The following TNIP2 variants were observed in gnomAD, a reference collection of about 807,000 sequenced individuals.
The protein encoded by TNIP2 is TNFAIP3 interacting protein 2.
TNIP2 carries 30 observed loss-of-function variants against 43.7 expected under a neutral mutation model. The observed-to-expected ratio is 0.69, with a 90% CI of 0.51 to 0.93. The LOEUF (loss-of-function observed/expected upper bound fraction) is 0.93. TNIP2 is among the 40% of genes least tolerant of loss of function. The pLI, the probability that TNIP2 is intolerant of heterozygous loss-of-function variation, is 0.00. For missense variants in TNIP2, 599 were observed against 591.0 expected (o/e 1.01, Z -0.14); for synonymous variants, 260 against 254.6 (o/e 1.02, Z -0.20).
intron 5 of TNIP2, among the ~76,000 whole-genome samples, chr4:2,742,929 G>A (rs1457589851): frequency 6.6e-6 from 1 of 152,170 alleles, no homozygotes; most frequent in Non-Finnish European, 1.5e-5. Context: ...TCCTCTGTGG[G>A]GCCTGGGGGT....
intron 2 of TNIP2, 112 bp downstream of exon 2, chr4:2,747,543 G>A (rs1033849754): frequency 4.9e-5 from 54 of 1,103,106 alleles, no homozygotes; most frequent in Non-Finnish European, 6.6e-5. Flanking sequence ...TCTCGTTACT[G>A]AGAACAGAAG....
intron 1 of TNIP2, among the ~76,000 whole-genome samples, chr4:2,752,943 T>C (rs1252406581): frequency 6.6e-6 from 1 of 151,918 alleles, no homozygotes; most frequent in East Asian, 1.9e-4. Context: ...TCTTCGCCTA[T>C]AGTCCTAGAC....
chr4:2,744,918 G>A lies in TNIP2; in HGVS notation c.685C>T (p.Arg229Cys), dbSNP rs147415827. The change falls in exon 4 of 6, where the codon CGC (arginine) becomes TGC (cysteine). Residue 229 changes from arginine to cysteine, a missense_variant. Transcript: ENST00000315423. The surrounding 1 kb of genome is among the most constrained non-coding windows in gnomAD (Gnocchi z 5.1). Reference sequence around the variant, plus strand: ...TATTCGTCCCTGCTGGCGTTGTAGCGCTGCCACTTGGCATTGAGGTCTTCA... The same window carrying A: ...TATTCGTCCCTGCTGGCGTTGTAGCACTGCCACTTGGCATTGAGGTCTTCA... Reference protein sequence around the residue: ...HVEDLNAKWQRYNASRDEYVR... With the variant: ...HVEDLNAKWQCYNASRDEYVR... 1.5e-4 allele frequency: 242 copies of A among 1,608,636 alleles called. No homozygotes were observed. The highest frequency in any genetic ancestry group is 2.0e-4 in the Non-Finnish European group (232 of 1,175,806).
At position 2,747,876 on chromosome 4, in the gene TNIP2, G is replaced by C. The variant is rs369040764; in HGVS notation, c.346C>G (p.Gln116Glu). 20 of 1,613,668 alleles carry C rather than the reference G, an allele frequency of 1.2e-5. No homozygotes were observed. In the African/African-American group the frequency reaches 2.1e-4, roughly 17 times the overall value. Reference protein sequence around the residue: ...REMQQLLSQPQHEREKEVVLL... With the variant: ...REMQQLLSQPEHEREKEVVLL... ...ACGACTTCCTTCTCTCGCTCGTGTT[G>C]GGGCTGGCTCAGCAGCTGCTGCATC... is the stretch of plus-strand genomic sequence containing the variant. Residue 116 changes from glutamine to glutamate, a missense_variant, in exon 2 of 6, where the codon CAA (glutamine) becomes GAA (glutamate). Physicochemically the swap from Gln to Glu is conservative, Grantham distance 29. Coordinates refer to ENST00000315423, the MANE Select transcript of TNIP2 (RefSeq NM_024309.4).
intron 1 of TNIP2, among the ~76,000 whole-genome samples, chr4:2,750,858 C>G (rs1053478664): frequency 3.3e-5 from 5 of 152,096 alleles, no homozygotes; most frequent in African/African-American, 7.2e-5. Flanking sequence ...ACAAACAGCT[C>G]CACAAACAGG....
chr4:2,742,936 G>C (rs1448551638), intron 5 of TNIP2, among the ~76,000 whole-genome samples: 1 of 152,196 alleles, frequency 6.6e-6, no homozygotes, highest in Non-Finnish European at 1.5e-5. Flanking sequence ...TGGGGCCTGG[G>C]GGTGCTGAGC....
intron 2 of TNIP2, chr4:2,746,227 A>C (rs1215432618): frequency 6.6e-6 from 1 of 152,430 alleles, no homozygotes; most frequent in East Asian, 1.9e-4. Context: ...TTCTGACTGT[A>C]TCTCAGTGAC....
chr4:2,751,444 T>C (rs1722100222), intron 1 of TNIP2, among the ~76,000 whole-genome samples: 1 of 152,222 alleles, frequency 6.6e-6, no homozygotes, highest in Non-Finnish European at 1.5e-5. Context: ...TCTTGGCTTT[T>C]AGCGCTGCGG....
intron 1 of TNIP2, among the ~76,000 whole-genome samples, chr4:2,754,029 C>T (rs1304319649): frequency 1.3e-5 from 2 of 152,228 alleles, no homozygotes; most frequent in African/African-American, 4.8e-5. Flanking sequence ...CACTAGTCAT[C>T]CCTGCACTGT....
At chr4:2,752,060 C>A (rs1176629391) in intron 1 of TNIP2, among the ~76,000 whole-genome samples, 4 of 144,838 alleles carry the variant, frequency 2.8e-5, no homozygotes, top group African/African-American at 7.7e-5. Context: ...AGCCAAGATC[C>A]CGCCACTGCA....
chr4:2,753,213 A>G (rs973122404), intron 1 of TNIP2, among the ~76,000 whole-genome samples: 1 of 152,186 alleles, frequency 6.6e-6, no homozygotes, highest in Non-Finnish European at 1.5e-5. Context: ...CCAAGGCAGG[A>G]GGATCACTTG....
At position 2,748,504 on chromosome 4, in the gene TNIP2, A is replaced by G. The variant is rs564576918; in HGVS notation, c.277-559T>C. 1.0e-3 allele frequency among the ~76,000 whole-genome samples: 156 copies of G among 151,628 alleles called. 2 individuals are homozygous for G. In the Middle Eastern group the frequency reaches 0.024, roughly 24 times the overall value. On this transcript the variant is annotated intron_variant, in intron 1 of 5. Coordinates refer to ENST00000315423, the MANE Select transcript of TNIP2 (RefSeq NM_024309.4). ...ACTACAGGCACACGCCACCACGCCC[A>G]GCTAATTTTTTGTATTTTTAGTAGA...
At chr4:2,745,217 C>G (rs1577307372) in intron 3 of TNIP2, 4 of 605,536 alleles carry the variant, frequency 6.6e-6, no homozygotes, top group African/African-American at 3.7e-5. Context: ...GCTGCTAACT[C>G]TTGCATCTCC....
chr4:2,745,629 G>A, intron 2 of TNIP2, 94 bp from the exon 3 acceptor site: 2 of 827,408 alleles, frequency 2.4e-6, no homozygotes, highest in Non-Finnish European at 4.1e-6. Flanking sequence ...GATTATCACT[G>A]CGTCCCCCAG....
chr4:2,748,263 C>T (rs533866631), intron 1 of TNIP2, among the ~76,000 whole-genome samples: 2 of 152,242 alleles, frequency 1.3e-5, no homozygotes, highest in South Asian at 2.1e-4. Context: ...GCAACCTCCA[C>T]CTCCCAGGTT....
At chr4:2,743,736 C>A (rs1460528992) in intron 5 of TNIP2, among the ~76,000 whole-genome samples, 1 of 152,236 alleles carries the variant, frequency 6.6e-6, no homozygotes, top group African/African-American at 2.4e-5. Context: ...GGGGCCCAGG[C>A]TATTCCCAGG....
chr4:2,756,131 G>C lies in TNIP2; in HGVS notation c.159C>G (p.Ala53=). ...ALIARLRARL[A]ALEGDAAPSL... Reference sequence around the variant, plus strand: ...ACGGCGCGGCGTCCCCCTCCAGCGCGGCCAGGCGGGCGCGGAGGCGAGCGA... The same window carrying C: ...ACGGCGCGGCGTCCCCCTCCAGCGCCGCCAGGCGGGCGCGGAGGCGAGCGA... The change falls in exon 1 of 6, where the codon GCC becomes GCG. Residue 53 remains alanine, a synonymous_variant. Transcript: ENST00000315423. The C allele has an allele frequency of 2.0e-6, 3 of 1,473,816 alleles. No homozygotes were observed. The highest frequency in any genetic ancestry group is 2.6e-5 in the South Asian group (2 of 77,606). The allele number at this position is 1,473,816 out of a possible 1,614,324, so 91.3% of individuals were successfully genotyped here.
chr4:2,752,945 G>A (rs1722139610), intron 1 of TNIP2, among the ~76,000 whole-genome samples: 1 of 152,028 alleles, frequency 6.6e-6, no homozygotes, highest in Admixed American at 6.6e-5. Flanking sequence ...TTCGCCTATA[G>A]TCCTAGACAC....
rs1371282448 is a variant in TNIP2 at position 2,744,744 on chromosome 4, T to C, written c.859A>G (p.Thr287Ala). Reference sequence around the variant, plus strand: ...CGCTCCAACGCAGCATCCCGGGCCGTCCTGGAGGCCGCCAGCTCCTGCTTC... The same window carrying C: ...CGCTCCAACGCAGCATCCCGGGCCGCCCTGGAGGCCGCCAGCTCCTGCTTC... ...EVKQELAASR[T>A]ARDAALERVQ... is the part of the protein sequence containing the mutation. The change falls in exon 4 of 6, where the codon ACG (threonine) becomes GCG (alanine). Residue 287 changes from threonine to alanine, a missense_variant. Physicochemically the swap from Thr to Ala is moderately conservative, Grantham distance 58. Transcript: ENST00000315423. This position sits in a 1 kb window ranked among gnomAD's most constrained non-coding sequence, Gnocchi z 5.1. 6.2e-7 allele frequency: 1 copy of C among 1,607,972 alleles called. No homozygotes were observed. Among genetic ancestry groups the C allele is most frequent in the Non-Finnish European group, 8.5e-7 (1 of 1,180,016 alleles).
Sources: gnomAD v4.1 joint callset for allele counts (sites outside exome capture counted in the v4.1 genomes callset) on GRCh38, gnomAD v4.1.1 for gene constraint, Gnocchi (gnomAD v3.1) non-coding constraint, MANE v1.5 for transcripts, NCBI Gene and HGNC (gene_info 2026-07-23, HGNC 2026-07-21) for gene names.